Variants in CAMTA1 observed in about 807,000 individuals in gnomAD.
The protein encoded by CAMTA1 is calmodulin-binding transcription activator 1.
Under a neutral mutation model 170.9 loss-of-function variants are expected in CAMTA1, and 27 were observed. The observed-to-expected ratio is 0.16, with a 90% CI of 0.12 to 0.22. The LOEUF is 0.22. Ranked by LOEUF, CAMTA1 falls within the 10% of genes least tolerant of loss-of-function variation. CAMTA1 has a pLI of 1.00. For missense variants in CAMTA1, 1,619 were observed against 2,217.2 expected, an observed-to-expected ratio of 0.73 and a Z score of 5.42; for synonymous variants, 833 against 891.5, an observed-to-expected ratio of 0.93 and a Z score of 1.17.
rs561654156 is a variant in CAMTA1, at chr1:7,397,251, C to T, written c.439-70579C>T. On this transcript the variant is annotated intron_variant, in intron 5 of 22. Coordinates refer to ENST00000303635, the MANE Select transcript of CAMTA1 (RefSeq NM_015215.4). The stretch of plus-strand genomic sequence containing the variant: ...ATGTGTTCAGAAATTTTTCCATTTC[C>T]TCTAAGTTTTCCAATTTGTTGCCAT... Among the ~76,000 whole-genome samples the T allele has an allele frequency of 4.0e-4, 61 of 152,096 alleles. No homozygotes were observed. The South Asian group carries it at 4.2e-3, about 10-fold the overall frequency.
At position 7,195,745 on chromosome 1, in the gene CAMTA1, G is replaced by A. The variant is rs1367476153; in HGVS notation, c.303-53746G>A. Among the ~76,000 whole-genome samples the A allele has an allele frequency of 1.3e-5, 2 of 152,228 alleles. No individual in the cohort carries two copies. The highest frequency in any genetic ancestry group is 1.3e-4 in the Admixed American group (2 of 15,278). On this transcript the variant is annotated intron_variant, in intron 4 of 22. Coordinates refer to ENST00000303635, the MANE Select transcript of CAMTA1 (RefSeq NM_015215.4). This position sits in a 1 kb window ranked among gnomAD's most constrained non-coding sequence, Gnocchi z 4.1. Reference sequence around the variant, plus strand: ...GATTAAGAGAGCTTGTGGGCTGGGCGCAGTGGCTCATGCCTGTAATCCCAG... The same window carrying A: ...GATTAAGAGAGCTTGTGGGCTGGGCACAGTGGCTCATGCCTGTAATCCCAG...
intron 3 of CAMTA1, among the ~76,000 whole-genome samples, chr1:6,936,603 G>A (rs72638544): frequency 0.06 from 9,170 of 152,238 alleles, 286 homozygotes; most frequent in Middle Eastern, 0.085. Flanking sequence ...GAGAACTGGG[G>A]GAGGAAAGAG....
Position 6,936,861 on chromosome 1 carries a change from G to A in CAMTA1, c.234+111651G>A, listed in dbSNP as rs187672955. ...AAATTAGCTGGGCGTGGTGGCAGGC[G>A]CCTGTAGTCCCAGCCACTCGGGAGG... On this transcript the variant is annotated intron_variant, in intron 3 of 22. Coordinates refer to ENST00000303635, the MANE Select transcript of CAMTA1 (RefSeq NM_015215.4). Among the ~76,000 whole-genome samples, 23 of 152,162 alleles carry A rather than the reference G, an allele frequency of 1.5e-4. 2 individuals carry two copies. In the East Asian group the frequency reaches 3.9e-3, roughly 26 times the overall value.
At chr1:7,330,539 T>C (rs2082963685) in intron 5 of CAMTA1, among the ~76,000 whole-genome samples, 1 of 152,188 alleles carries the variant, frequency 6.6e-6, no homozygotes, top group Admixed American at 6.5e-5. Flanking sequence ...ACATGTACCA[T>C]GGGTGAACCC....
intron 5 of CAMTA1, among the ~76,000 whole-genome samples, chr1:7,361,211 A>G (rs2085512315): frequency 6.6e-6 from 1 of 152,208 alleles, no homozygotes; most frequent in Non-Finnish European, 1.5e-5. Context: ...GGATGGAACA[A>G]TAGGGTGGGT....
chr1:7,194,206 G>A (rs746490427), intron 4 of CAMTA1, among the ~76,000 whole-genome samples: 4 of 152,148 alleles, frequency 2.6e-5, no homozygotes, highest in Admixed American at 2.0e-4. Flanking sequence ...ATCCCCTACC[G>A]TCCTCCTATC....
At chr1:7,574,321 G>A (rs960929881) in intron 6 of CAMTA1, among the ~76,000 whole-genome samples, 3 of 152,192 alleles carry the variant, frequency 2.0e-5, no homozygotes, top group Non-Finnish European at 4.4e-5. Context: ...GTGGAAATGG[G>A]GCGGTGCCTG....
At chr1:7,015,999 A>G (rs1210386369) in intron 3 of CAMTA1, among the ~76,000 whole-genome samples, 1 of 152,224 alleles carries the variant, frequency 6.6e-6, no homozygotes, top group African/African-American at 2.4e-5. Flanking sequence ...ATCCTCCCCT[A>G]TGATTCAGTC....
rs1430037204 is a variant in CAMTA1, at chr1:7,754,569, T to G, written c.4959-1069T>G. 2.0e-4 allele frequency among the ~76,000 whole-genome samples: 31 copies of G among 152,212 alleles called. 1 individual carries two copies. The highest frequency in any genetic ancestry group is 2.0e-3 in the Admixed American group (30 of 15,282). ...AACAAAGGAGTCCTTTCACTTTTGT[T>G]TTTAGAGTTCTCTTTCTGTAAACTG... On this transcript the variant is annotated intron_variant, in intron 21 of 22. Coordinates refer to ENST00000303635, the MANE Select transcript of CAMTA1 (RefSeq NM_015215.4).
Position 7,635,374 on chromosome 1 carries a change from G to A in CAMTA1, c.511-5026G>A, listed in dbSNP as rs939261172. ...TGTAATCCCAGCACTTTGGAAGGCC[G>A]AGGCAGGCAGATCACGAGATCGGGA... On this transcript the variant is annotated intron_variant, in intron 6 of 22. Transcript: ENST00000303635. The surrounding 1 kb of genome is among the most constrained non-coding windows in gnomAD (Gnocchi z 4.4). 4.7e-4 allele frequency among the ~76,000 whole-genome samples: 72 copies of A among 152,206 alleles called. No homozygotes were observed. Among genetic ancestry groups the A allele is most frequent in the African/African-American group, 1.6e-3 (68 of 41,538 alleles).
chr1:7,250,495 G>A (rs1400082784), intron 5 of CAMTA1, among the ~76,000 whole-genome samples: 1 of 152,210 alleles, frequency 6.6e-6, no homozygotes, highest in African/African-American at 2.4e-5. Context: ...TTTCGAACGG[G>A]TCAAAGAGAG....
rs79250042 is a variant in CAMTA1 at position 7,285,371 on chromosome 1, C to A, written c.438+35745C>A. ...CATTTCATGGTGGGTGGCGCTGATG[C>A]ACCTTCGGGAAGTTCTGCGACGTGC... On this transcript the variant is annotated intron_variant, in intron 5 of 22. Coordinates refer to ENST00000303635, the MANE Select transcript of CAMTA1 (RefSeq NM_015215.4). Among the ~76,000 whole-genome samples, 300 of 152,326 alleles carry A rather than the reference C, an allele frequency of 2.0e-3. 11 individuals carry two copies. In the East Asian group the frequency reaches 0.052, roughly 26 times the overall value.
chr1:7,400,661 G>A (rs1272595827), intron 5 of CAMTA1, among the ~76,000 whole-genome samples: 2 of 152,168 alleles, frequency 1.3e-5, no homozygotes, highest in Non-Finnish European at 2.9e-5. Context: ...CTTCAGATAT[G>A]TCCTAGAGTA....
intron 5 of CAMTA1, among the ~76,000 whole-genome samples, chr1:7,362,834 G>A (rs574556950): frequency 8.2e-4 from 125 of 152,060 alleles, no homozygotes; most frequent in Middle Eastern, 6.8e-3. Flanking sequence ...GGTGAACTTC[G>A]GTAGGACTGG....
intron 5 of CAMTA1, among the ~76,000 whole-genome samples, chr1:7,359,193 C>G (rs2085354737): frequency 6.6e-6 from 1 of 152,132 alleles, no homozygotes; most frequent in Admixed American, 6.6e-5. Context: ...CCAGGTGACC[C>G]TTTTCCAGTG....
At chr1:7,276,291 ATATATATATATATTTT>A (rs201787173) in intron 5 of CAMTA1, among the ~76,000 whole-genome samples, 2,559 of 51,294 alleles carry the variant, frequency 0.05, 162 homozygotes, top group East Asian at 0.12. Flanking sequence ...ATATATATAT[ATATATATATATATTTT>A]TTTTTTTTTT....
intron 4 of CAMTA1, among the ~76,000 whole-genome samples, chr1:7,242,425 C>T (rs958214865): frequency 1.4e-4 from 22 of 152,144 alleles, no homozygotes; most frequent in Non-Finnish European, 3.2e-4. Context: ...CATATTGTTG[C>T]TGGGTTTTCA....
intron 10 of CAMTA1, among the ~76,000 whole-genome samples, chr1:7,672,598 T>C (rs891093846): frequency 2.0e-5 from 3 of 152,140 alleles, no homozygotes; most frequent in African/African-American, 7.2e-5. Context: ...ATTTTTGTAC[T>C]TTTAGTAGAG....
At chr1:6,919,376 G>A (rs572022485) in intron 3 of CAMTA1, among the ~76,000 whole-genome samples, 1 of 152,364 alleles carries the variant, frequency 6.6e-6, no homozygotes, top group Admixed American at 6.5e-5. Context: ...ATGTGGGGCT[G>A]TGTTAAGGGT....
Sources: gnomAD v4.1 joint callset for allele counts (sites outside exome capture counted in the v4.1 genomes callset) on GRCh38, gnomAD v4.1.1 for gene constraint, Gnocchi (gnomAD v3.1) non-coding constraint, MANE v1.5 for transcripts, NCBI Gene and HGNC (gene_info 2026-07-23, HGNC 2026-07-21) for gene names.